The following SETX variants were observed in gnomAD, a reference collection of about 807,000 sequenced individuals.
SETX encodes helicase senataxin.
Under a neutral mutation model 227.2 loss-of-function variants are expected in SETX, and 90 were observed. The ratio of observed to expected loss-of-function variants is 0.40; its 90% CI spans 0.33 to 0.47. The LOEUF is 0.47. Ranked by LOEUF, SETX falls within the 20% of genes least tolerant of loss-of-function variation. SETX has a pLI of 0.91. For missense variants in SETX, 3,052 were observed against 3,181.5 expected (o/e 0.96, Z 0.98); for synonymous variants, 1,210 against 1,113.2 (o/e 1.09, Z -1.73).
At position 132,271,661 on chromosome 9, in the gene SETX, A is replaced by AAGCAACAATGTATACAAGTATAAAAG. The variant is rs367693125; in HGVS notation, c.7199+23_7199+48dup. 3,840 of 1,450,300 alleles carry AAGCAACAATGTATACAAGTATAAAAG rather than the reference A, an allele frequency of 2.6e-3. 98 individuals carry two copies. The African/African-American group carries it at 0.047, about 18-fold the overall frequency. 89.8% of individuals were successfully genotyped at this position (1,450,300 alleles called of 1,614,324 possible). ...ATGAACCTAATCCTGAACTATAAACAAGCAACAATGTATACAAGTATAAAA... is the reference window on the plus strand; with the variant it reads ...ATGAACCTAATCCTGAACTATAAACAAGCAACAATGTATACAAGTATAAAAGAGCAACAATGTATACAAGTATAAAA... On this transcript the variant is annotated intron_variant, in intron 24 of 25. Coordinates refer to ENST00000224140, the MANE Select transcript of SETX (RefSeq NM_015046.7).
chr9:132,283,034 G>A lies in SETX; in HGVS notation c.6546+230C>T, dbSNP rs919025229. 6 of 550,704 alleles carry A rather than the reference G, an allele frequency of 1.1e-5. No individual in the cohort carries two copies. In the African/African-American group the frequency reaches 1.1e-4, roughly 10 times the overall value. The allele number at this position is 550,704 out of a possible 1,614,324, so 34.1% of individuals were successfully genotyped here. A position where few individuals can be genotyped will look rare whatever the true frequency, so the allele number is the denominator to read the frequency against. On this transcript the variant is annotated intron_variant, in intron 19 of 25. Coordinates refer to ENST00000224140, the MANE Select transcript of SETX (RefSeq NM_015046.7). ...CAGTCACTCAGCAGAGATTTTGTTA[G>A]AAACCATCAGTCATCCTCAAGACTA...
At chr9:132,299,899 T>C (rs1394889384) in intron 12 of SETX, among the ~76,000 whole-genome samples, 3 of 151,890 alleles carry the variant, frequency 2.0e-5, no homozygotes, top group Non-Finnish European at 4.4e-5. Context: ...TCCCAGCACT[T>C]TGGGAGGTTG....
At chr9:132,277,418 T>C (rs966686541) in intron 21 of SETX, among the ~76,000 whole-genome samples, 15 of 152,136 alleles carry the variant, frequency 9.9e-5, no homozygotes, top group African/African-American at 3.4e-4. Flanking sequence ...CAGAATACTA[T>C]GTTAAGTATG....
chr9:132,354,699 G>A (rs945970157), intron 1 of SETX, among the ~76,000 whole-genome samples: 25 of 151,936 alleles, frequency 1.6e-4, no homozygotes, highest in African/African-American at 5.8e-4. Context: ...GCAGCGGCCG[G>A]GTCCAGCGCG....
chr9:132,286,313 C>G, intron 18 of SETX, 110 bp downstream of exon 18: 1 of 798,904 alleles, frequency 1.3e-6, no homozygotes. Context: ...GAGTGAGACT[C>G]TGTCTCCAAA....
chr9:132,278,668 T>C (rs1843323144), intron 20 of SETX, among the ~76,000 whole-genome samples: 1 of 152,090 alleles, frequency 6.6e-6, no homozygotes, highest in Admixed American at 6.6e-5. Context: ...TCTACTCATA[T>C]ACTGCTAATG....
chr9:132,288,639 T>A lies in SETX; in HGVS notation c.6119A>T (p.Asp2040Val), dbSNP rs1433891838. ...TGGACCCAGTCGTACTAAATTTATA[T>A]CTCCACAGTTTCCTGTTGATAAGAA... ...DKKNPLGNCG[D>V]INLVRLGPEK... Residue 2040 changes from aspartate to valine, a missense_variant, in exon 16 of 26, where the codon GAT (aspartate) becomes GTT (valine). Transcript: ENST00000224140. 1 of 1,611,324 alleles carries A rather than the reference T, an allele frequency of 6.2e-7. No individual in the cohort carries two copies. Among genetic ancestry groups the A allele is most frequent in the African/African-American group, 1.3e-5 (1 of 74,870 alleles).
At chr9:132,307,127 C>CTACAT (rs775175247) in intron 11 of SETX, among the ~76,000 whole-genome samples, 43 of 152,216 alleles carry the variant, frequency 2.8e-4, no homozygotes, top group Non-Finnish European at 4.9e-4. Context: ...TGGTGGTGAG[C>CTACAT]ACCTGTAATC....
rs569428109 is a variant in SETX at position 132,273,808 on chromosome 9, C to T, written c.7100+1448G>A. Among the ~76,000 whole-genome samples the T allele has an allele frequency of 4.4e-4, 67 of 152,040 alleles. 1 individual carries two copies. In the South Asian group the frequency reaches 0.011, roughly 25 times the overall value. ...TTTATTTATTTTCCTTACTTAACTGCTCTGGCTAAAACCTCTAGTACAATG... is the reference window on the plus strand; with the variant it reads ...TTTATTTATTTTCCTTACTTAACTGTTCTGGCTAAAACCTCTAGTACAATG... On this transcript the variant is annotated intron_variant, in intron 23 of 25. Coordinates refer to ENST00000224140, the MANE Select transcript of SETX (RefSeq NM_015046.7).
intron 17 of SETX, among the ~76,000 whole-genome samples, chr9:132,287,265 G>C (rs1843960097): frequency 6.6e-6 from 1 of 152,124 alleles, no homozygotes; most frequent in African/African-American, 2.4e-5. Context: ...TGAGAGGACT[G>C]CTTGAGGCAA....
At chr9:132,283,535 G>C in intron 18 of SETX, 122 bp from the exon 19 acceptor site, 3 of 1,246,610 alleles carry the variant, frequency 2.4e-6, no homozygotes, top group Non-Finnish European at 3.4e-6. Context: ...AAAATATTTA[G>C]TAAAAGTTAG....
intron 25 of SETX, among the ~76,000 whole-genome samples, chr9:132,267,609 A>G (rs1208249292): frequency 6.6e-6 from 1 of 152,268 alleles, no homozygotes; most frequent in Admixed American, 6.5e-5. Context: ...CCCAGCTGAC[A>G]TGTCGGGAAG....
chr9:132,343,720 G>T (rs573665367), intron 4 of SETX, among the ~76,000 whole-genome samples: 1 of 152,216 alleles, frequency 6.6e-6, no homozygotes, highest in African/African-American at 2.4e-5. Context: ...ATAATGTTTC[G>T]ATTTTTGATC....
rs772101778 is a variant in SETX at position 132,328,155 on chromosome 9, GA to G, written c.3442del (p.Ser1148LeufsTer10). 1 of 1,614,100 alleles carries G rather than the reference GA, an allele frequency of 6.2e-7. No homozygotes were observed. The highest frequency in any genetic ancestry group is 8.5e-7 in the Non-Finnish European group (1 of 1,180,000). On this transcript the variant is annotated frameshift_variant, in exon 10 of 26. Coordinates refer to ENST00000224140, the MANE Select transcript of SETX (RefSeq NM_015046.7). LOFTEE classifies it high-confidence loss of function. ...IEEHTRPRSI[S>X]VEEFCEIEVK... Reference sequence around the variant, plus strand: ...TTCAATTTCACAAAATTCTTCAACAGAAATACTCCGTGGTCTTGTGTGTTCT... The same window carrying G: ...TTCAATTTCACAAAATTCTTCAACAGAATACTCCGTGGTCTTGTGTGTTCT...
chr9:132,315,217 A>G (rs959386006), intron 10 of SETX, among the ~76,000 whole-genome samples: 33 of 152,276 alleles, frequency 2.2e-4, no homozygotes, highest in African/African-American at 7.7e-4. Flanking sequence ...GTGCCTGGCC[A>G]AAATATTACA....
intron 4 of SETX, among the ~76,000 whole-genome samples, chr9:132,343,950 A>G (rs940353233): frequency 6.6e-6 from 1 of 152,160 alleles, no homozygotes; most frequent in Admixed American, 6.5e-5. Flanking sequence ...TCAACAAGTC[A>G]AACTCATGGC....
At chr9:132,265,523 C>T (rs573048543) in intron 25 of SETX, among the ~76,000 whole-genome samples, 4 of 152,166 alleles carry the variant, frequency 2.6e-5, no homozygotes, top group Admixed American at 6.5e-5. Context: ...CGTGCCTGGC[C>T]GAACTTCAGC....
Position 132,328,136 on chromosome 9 carries a change from T to G in SETX, c.3462A>C (p.Glu1154Asp), listed in dbSNP as rs1297541939. ...PRSISVEEFC[E>D]IEVKKPKRKR... ...TTCTCTTAGGCTTTTTTACTTCAAT[T>G]TCACAAAATTCTTCAACAGAAATAC... The change falls in exon 10 of 26, where the codon GAA becomes GAC. Residue 1154 changes from glutamate to aspartate, a missense_variant. Coordinates refer to ENST00000224140, the MANE Select transcript of SETX (RefSeq NM_015046.7). The G allele has an allele frequency of 9.9e-6, 16 of 1,613,970 alleles. No individual in the cohort carries two copies. Among genetic ancestry groups the G allele is most frequent in the Non-Finnish European group, 1.3e-5 (15 of 1,180,020 alleles).
At chr9:132,307,873 T>A (rs1845426774) in intron 11 of SETX, among the ~76,000 whole-genome samples, 1 of 152,118 alleles carries the variant, frequency 6.6e-6, no homozygotes, top group Non-Finnish European at 1.5e-5. Flanking sequence ...GAGACGGGGT[T>A]TTGCCATGTT....
Sources: gnomAD v4.1 joint callset for allele counts (sites outside exome capture counted in the v4.1 genomes callset) on GRCh38, gnomAD v4.1.1 for gene constraint, MANE v1.5 for transcripts, NCBI Gene and HGNC (gene_info 2026-07-23, HGNC 2026-07-21) for gene names.